SLC8A1: variants seen among roughly 807,000 people sequenced by gnomAD.
SLC8A1 encodes sodium/calcium exchanger 1.
Under a neutral mutation model 68.3 loss-of-function variants are expected in SLC8A1, and 18 were observed. The observed-to-expected ratio is 0.26, with a 90% CI of 0.18 to 0.39. The LOEUF (loss-of-function observed/expected upper bound fraction) is 0.39, where lower values mean the gene tolerates loss of function less well. Among genes scored for constraint, SLC8A1 ranks in the 10% least tolerant of loss-of-function variants. The probability of loss-of-function intolerance (pLI) is 1.00; values close to 1 mark genes in which losing one functional copy is unlikely to be tolerated. For missense variants in SLC8A1, 985 were observed against 1,156.7 expected (o/e 0.85, Z 2.15); for synonymous variants, 475 against 415.5 (o/e 1.14, Z -1.74).
chr2:40,195,529 T>A (rs1275555474), intron 2 of SLC8A1, among the ~76,000 whole-genome samples: 1 of 152,082 alleles, frequency 6.6e-6, no homozygotes, highest in Non-Finnish European at 1.5e-5. Flanking sequence ...ACCTGCTTCC[T>A]CTCAAATCTC....
chr2:40,133,374 G>T (rs1424228500), intron 7 of SLC8A1, among the ~76,000 whole-genome samples: 1 of 113,570 alleles, frequency 8.8e-6, no homozygotes, highest in African/African-American at 3.5e-5. Flanking sequence ...TTATTAAAAA[G>T]GTTCTATATA....
At chr2:40,126,453 T>C (rs2038113036) in intron 7 of SLC8A1, among the ~76,000 whole-genome samples, 1 of 152,114 alleles carries the variant, frequency 6.6e-6, no homozygotes, top group African/African-American at 2.4e-5. Flanking sequence ...GGGAGAAGAA[T>C]CCAGGGCAGT....
At chr2:40,437,784 T>C (rs1023812014) in intron 1 of SLC8A1, among the ~76,000 whole-genome samples, 1 of 152,070 alleles carries the variant, frequency 6.6e-6, no homozygotes, top group African/African-American at 2.4e-5. Context: ...AAACAACACA[T>C]TCGTTTATGG....
At chr2:40,470,683 T>A (rs1163321280) in intron 1 of SLC8A1, among the ~76,000 whole-genome samples, 1 of 151,946 alleles carries the variant, frequency 6.6e-6, no homozygotes, top group Non-Finnish European at 1.5e-5. Context: ...TAAAAGACTA[T>A]CCCTCAACTG....
intron 2 of SLC8A1, among the ~76,000 whole-genome samples, chr2:40,188,087 A>C (rs1364309710): frequency 6.6e-6 from 1 of 152,198 alleles, no homozygotes; most frequent in Non-Finnish European, 1.5e-5. Context: ...AAATATGGCA[A>C]AATAGATGCA....
intron 2 of SLC8A1, among the ~76,000 whole-genome samples, chr2:40,385,662 ATCTTTCAAATG>A (rs1407618373): frequency 6.6e-6 from 1 of 151,356 alleles, no homozygotes; most frequent in Non-Finnish European, 1.5e-5. Flanking sequence ...TTAATATACC[ATCTTTCAAATG>A]TCTTTCTGGA....
intron 2 of SLC8A1, among the ~76,000 whole-genome samples, chr2:40,311,104 T>C (rs923711502): frequency 6.6e-6 from 1 of 152,110 alleles, no homozygotes; most frequent in Non-Finnish European, 1.5e-5. Context: ...CATTAATAGA[T>C]TAGTATCAAT....
chr2:40,361,245 A>G (rs1363955475), intron 2 of SLC8A1, among the ~76,000 whole-genome samples: 1 of 152,190 alleles, frequency 6.6e-6, no homozygotes, highest in African/African-American at 2.4e-5. Context: ...AGGAGTTCAC[A>G]TAATGAACAG....
intron 2 of SLC8A1, among the ~76,000 whole-genome samples, chr2:40,289,483 G>A (rs1038769176): frequency 6.6e-6 from 1 of 151,994 alleles, no homozygotes; most frequent in African/African-American, 2.4e-5. Context: ...CATTGGAATT[G>A]AGCTACTGTC....
intron 2 of SLC8A1, among the ~76,000 whole-genome samples, chr2:40,294,004 C>A (rs189084805): frequency 1.1e-4 from 17 of 152,164 alleles, no homozygotes; most frequent in African/African-American, 3.9e-4. Flanking sequence ...GAATCCATAG[C>A]AATCAGTTTA....
chr2:40,282,174 T>C (rs2067625570), intron 2 of SLC8A1, among the ~76,000 whole-genome samples: 2 of 152,178 alleles, frequency 1.3e-5, no homozygotes, highest in Admixed American at 1.3e-4. Flanking sequence ...GTATGTTTCT[T>C]ACCTCATTCA....
intron 2 of SLC8A1, among the ~76,000 whole-genome samples, chr2:40,368,626 G>A (rs1677020799): frequency 6.6e-6 from 1 of 152,050 alleles, no homozygotes; most frequent in South Asian, 2.1e-4. Context: ...AGTGGTACAA[G>A]TGTAGGTTTG....
chr2:40,098,659 T>C (rs930705011), exon 8 of SLC8A1: 2 of 152,050 alleles, frequency 1.3e-5, no homozygotes, highest in East Asian at 3.8e-4. Flanking sequence ...GAAAGATTGA[T>C]AAATTTATCA....
chr2:40,374,176 GAA>G (rs1679054087), intron 2 of SLC8A1, among the ~76,000 whole-genome samples: 1 of 151,904 alleles, frequency 6.6e-6, no homozygotes, highest in Admixed American at 6.6e-5. Context: ...TGAGAAGAGA[GAA>G]GTCACTTTGT....
intron 2 of SLC8A1, among the ~76,000 whole-genome samples, chr2:40,234,710 C>A (rs1197885581): frequency 6.6e-6 from 1 of 152,112 alleles, no homozygotes; most frequent in African/African-American, 2.4e-5. Flanking sequence ...AGTTTTTGCC[C>A]ATTCAGTATG....
At chr2:40,323,989 C>G (rs184384051) in intron 2 of SLC8A1, among the ~76,000 whole-genome samples, 2 of 148,986 alleles carry the variant, frequency 1.3e-5, no homozygotes, top group South Asian at 4.2e-4. Context: ...GTTACTATGC[C>G]ATTTATATTC....
chr2:40,142,404 G>A (rs2148308099), intron 6 of SLC8A1, among the ~76,000 whole-genome samples: 1 of 152,040 alleles, frequency 6.6e-6, no homozygotes, highest in Admixed American at 6.6e-5. Flanking sequence ...AAAGCACTAG[G>A]TTTTCTAGTT....
intron 7 of SLC8A1, among the ~76,000 whole-genome samples, chr2:40,134,396 TAA>T (rs2040087663): frequency 6.6e-6 from 1 of 152,038 alleles, no homozygotes. Flanking sequence ...CTGGTCTACC[TAA>T]AGTTTTAAAA....
intron 6 of SLC8A1, among the ~76,000 whole-genome samples, chr2:40,140,534 A>T (rs560071835): frequency 6.6e-6 from 1 of 152,358 alleles, no homozygotes; most frequent in Non-Finnish European, 1.5e-5. Flanking sequence ...TAGAAATTCA[A>T]ATGATCAGTC....
Sources: gnomAD v4.1 joint callset for allele counts (sites outside exome capture counted in the v4.1 genomes callset) on GRCh38, gnomAD v4.1.1 for gene constraint, MANE v1.5 for transcripts, NCBI Gene and HGNC (gene_info 2026-07-23, HGNC 2026-07-21) for gene names.